The following ELF2 variants were observed in gnomAD, a reference collection of about 807,000 sequenced individuals.
ELF2 encodes the protein ETS-related transcription factor Elf-2.
A neutral mutation model predicts 54.8 loss-of-function variants in ELF2; 11 were observed. That is an observed-to-expected ratio of 0.20 (90% confidence interval 0.13 to 0.33). The LOEUF is 0.33. Among genes scored for constraint, ELF2 ranks in the 10% least tolerant of loss-of-function variants. The pLI is 1.00. For synonymous variants in ELF2, 203 were observed against 245.1 expected (o/e 0.83, Z 1.61); for missense variants, 513 against 703.0 (o/e 0.73, Z 3.06).
At chr4:139,153,171 A>G (rs1740188147) in intron 1 of ELF2, among the ~76,000 whole-genome samples, 1 of 152,174 alleles carries the variant, frequency 6.6e-6, no homozygotes, top group Non-Finnish European at 1.5e-5. Context: ...ACAGTGGCTC[A>G]CGCCTGTAAT....
At chr4:139,126,652 G>C (rs923603329) in intron 3 of ELF2, among the ~76,000 whole-genome samples, 1 of 152,150 alleles carries the variant, frequency 6.6e-6, no homozygotes, top group Non-Finnish European at 1.5e-5. Flanking sequence ...GAAGGAAGAT[G>C]ACAGTTGAGC....
chr4:139,134,873 C>T (rs542855377), intron 3 of ELF2, among the ~76,000 whole-genome samples: 1 of 151,544 alleles, frequency 6.6e-6, no homozygotes, highest in Non-Finnish European at 1.5e-5. Flanking sequence ...TTAAATTATT[C>T]CTATATATTT....
At chr4:139,173,178 T>A (rs1742498789) in intron 1 of ELF2, among the ~76,000 whole-genome samples, 1 of 152,092 alleles carries the variant, frequency 6.6e-6, no homozygotes, top group East Asian at 1.9e-4. Context: ...AATGGAAATG[T>A]TCGAAAACTA....
chr4:139,086,829 T>C (rs1732036609), intron 4 of ELF2, among the ~76,000 whole-genome samples: 1 of 152,216 alleles, frequency 6.6e-6, no homozygotes, highest in Admixed American at 6.5e-5. Flanking sequence ...TTAAATTATT[T>C]ATAATTATAA....
intron 1 of ELF2, among the ~76,000 whole-genome samples, chr4:139,162,290 G>A (rs1477589983): frequency 6.6e-6 from 1 of 151,966 alleles, no homozygotes; most frequent in African/African-American, 2.4e-5. Flanking sequence ...AGGCCGAGGA[G>A]GGCAGATCAC....
chr4:139,061,586 A>AT (rs1001402599), intron 8 of ELF2, among the ~76,000 whole-genome samples: 35 of 151,864 alleles, frequency 2.3e-4, no homozygotes, highest in African/African-American at 7.2e-4. Context: ...TTTAGGTTTA[A>AT]TTTTTTTTTA....
chr4:139,085,149 T>G lies in ELF2; in HGVS notation c.239-11582A>C, dbSNP rs560509638. On this transcript the variant is annotated intron_variant, in intron 4 of 9. Coordinates refer to ENST00000686138, the MANE Select transcript of ELF2 (RefSeq NM_001331036.3). ...ACCTAATTACAAATACATATTAAAATACAATGGACAAGGGAGATAAATCGC... is the reference window on the plus strand; with the variant it reads ...ACCTAATTACAAATACATATTAAAAGACAATGGACAAGGGAGATAAATCGC... Among the ~76,000 whole-genome samples the G allele has an allele frequency of 2.6e-5, 4 of 152,300 alleles. No individual in the cohort carries two copies. In the East Asian group the frequency reaches 5.8e-4, roughly 22 times the overall value.
At chr4:139,082,781 G>C (rs1731299964) in intron 4 of ELF2, among the ~76,000 whole-genome samples, 1 of 152,332 alleles carries the variant, frequency 6.6e-6, no homozygotes, top group Admixed American at 6.5e-5. Flanking sequence ...ATATGAAATA[G>C]GAACCGGGAA....
intron 4 of ELF2, among the ~76,000 whole-genome samples, chr4:139,086,437 G>GA (rs1186662128): frequency 1.3e-5 from 2 of 152,018 alleles, no homozygotes; most frequent in African/African-American, 4.8e-5. Flanking sequence ...GATGTACAAA[G>GA]AAAAAAGATG....
At chr4:139,128,442 T>A (rs1737156754) in intron 3 of ELF2, among the ~76,000 whole-genome samples, 1 of 152,162 alleles carries the variant, frequency 6.6e-6, no homozygotes, top group Non-Finnish European at 1.5e-5. Flanking sequence ...AAAAATAGTC[T>A]AACTCCTTGA....
intron 4 of ELF2, among the ~76,000 whole-genome samples, chr4:139,084,981 A>G (rs1016193492): frequency 6.6e-6 from 1 of 152,226 alleles, no homozygotes; most frequent in Non-Finnish European, 1.5e-5. Flanking sequence ...TTTAGTAAAC[A>G]GAACACACCA....
intron 4 of ELF2, among the ~76,000 whole-genome samples, chr4:139,081,354 C>T (rs1578732561): frequency 6.6e-6 from 1 of 152,092 alleles, no homozygotes; most frequent in African/African-American, 2.4e-5. Context: ...AAAGTATATT[C>T]GAGCTTAACA....
intron 4 of ELF2, chr4:139,116,584 A>G (rs1735746391): frequency 1.3e-6 from 1 of 772,778 alleles, no homozygotes; most frequent in African/African-American, 1.9e-5. Flanking sequence ...TGGTAAAGGT[A>G]GATGAAATAA....
intron 4 of ELF2, among the ~76,000 whole-genome samples, chr4:139,103,206 A>ATC (rs1462845264): frequency 6.6e-6 from 1 of 152,234 alleles, no homozygotes; most frequent in Non-Finnish European, 1.5e-5. Context: ...AAATATATAT[A>ATC]TTTAGTCTTG....
At chr4:139,088,216 G>A (rs1404796592) in intron 4 of ELF2, among the ~76,000 whole-genome samples, 2 of 147,712 alleles carry the variant, frequency 1.4e-5, no homozygotes, top group Non-Finnish European at 3.0e-5. Flanking sequence ...CAACCCAGGA[G>A]AGGAAGGTTG....
At chr4:139,175,062 T>A (rs1052114102) in intron 1 of ELF2, among the ~76,000 whole-genome samples, 54 of 152,186 alleles carry the variant, frequency 3.5e-4, no homozygotes, top group Admixed American at 3.3e-3. Flanking sequence ...AGTAATTTTT[T>A]AAAAAATTAA....
chr4:139,151,096 A>AAAGAAAGAAAGAGAGAAAGAAAGAAAG (rs1560871880), intron 1 of ELF2, among the ~76,000 whole-genome samples: 15 of 128,276 alleles, frequency 1.2e-4, no homozygotes, highest in African/African-American at 4.5e-4. Context: ...AAGAAAGAAA[A>AAAGAAAGAAAGAGAGAAAGAAAGAAAG]AGAGAGCTAT....
chr4:139,137,381 G>A (rs1738294009), intron 3 of ELF2: 1 of 558,718 alleles, frequency 1.8e-6, no homozygotes, highest in Non-Finnish European at 3.2e-6. Context: ...ATACTATAGT[G>A]TTCTTTCCAT....
chr4:139,118,490 T>C (rs1578848209), intron 4 of ELF2, among the ~76,000 whole-genome samples: 1 of 152,134 alleles, frequency 6.6e-6, no homozygotes, highest in East Asian at 1.9e-4. Flanking sequence ...GAGAATACAG[T>C]GTTTCAGCAG....
Sources: gnomAD v4.1 joint callset for allele counts (sites outside exome capture counted in the v4.1 genomes callset) on GRCh38, gnomAD v4.1.1 for gene constraint, MANE v1.5 for transcripts, NCBI Gene and HGNC (gene_info 2026-07-23, HGNC 2026-07-21) for gene names.